Variants in FSTL5 observed in about 807,000 individuals in gnomAD.
The protein encoded by FSTL5 is follistatin-related protein 5.
In FSTL5, 62 loss-of-function variants were observed where a neutral mutation model predicts 89.1. The ratio of observed to expected loss-of-function variants is 0.70; its 90% CI spans 0.57 to 0.86. The LOEUF (loss-of-function observed/expected upper bound fraction) is 0.86, where lower values mean the gene tolerates loss of function less well. FSTL5 is among the 40% of genes least tolerant of loss of function. FSTL5 has a pLI of 0.00. For missense variants in FSTL5, 1,057 were observed against 1,001.6 expected, an observed-to-expected ratio of 1.06 and a Z score of -0.75; for synonymous variants, 383 against 346.2, an observed-to-expected ratio of 1.11 and a Z score of -1.18.
chr4:162,045,391 C>A (rs1738131411), intron 2 of FSTL5, among the ~76,000 whole-genome samples: 3 of 152,056 alleles, frequency 2.0e-5, no homozygotes, highest in Non-Finnish European at 4.4e-5. Context: ...GTTCATGGTG[C>A]TCCAAAACAG....
At chr4:161,602,236 TGAGA>T (rs1239393696) in intron 7 of FSTL5, among the ~76,000 whole-genome samples, 1 of 57,534 alleles carries the variant, frequency 1.7e-5, no homozygotes, top group Non-Finnish European at 3.5e-5. Flanking sequence ...AGTGAGAGAG[TGAGA>T]GAGAGGGAGA....
chr4:161,828,933 GT>G (rs932127247), intron 4 of FSTL5, among the ~76,000 whole-genome samples: 59 of 151,906 alleles, frequency 3.9e-4, no homozygotes, highest in African/African-American at 1.3e-3. Context: ...CACTAAAGAA[GT>G]TTTTTTCCAA....
chr4:162,155,745 C>T (rs1733443974), intron 1 of FSTL5, among the ~76,000 whole-genome samples: 1 of 152,134 alleles, frequency 6.6e-6, no homozygotes, highest in South Asian at 2.1e-4. Context: ...ACAGTCCAGA[C>T]AGGACATTGT....
In FSTL5 at chr4:161,386,209, C is replaced by T. The variant is rs35820116; in HGVS notation, c.2082G>A (p.Thr694=). ...DSVIGFNSDV[T]GTPYVSPDGH... is the part of the protein sequence containing the mutation. ...CATCTGGAGAGACATATGGAGTGCC[C>T]GTCACATCACTATTGAACCCAATGA... Residue 694 remains threonine (T), a synonymous_variant, in exon 16 of 16, where the codon ACG becomes ACA. Coordinates refer to ENST00000306100, the MANE Select transcript of FSTL5 (RefSeq NM_020116.5). 378 of 1,613,912 alleles carry T rather than the reference C, an allele frequency of 2.3e-4. 1 individual carries two copies. In the African/African-American group the frequency reaches 2.7e-3, roughly 12 times the overall value.
intron 3 of FSTL5, among the ~76,000 whole-genome samples, chr4:161,926,390 GA>G (rs1372715670): frequency 8.1e-6 from 1 of 123,474 alleles, no homozygotes; most frequent in Non-Finnish European, 1.7e-5. Context: ...TGCAACAGAA[GA>G]AGGTTTTTTT....
chr4:162,047,881 A>G (rs973320439), intron 2 of FSTL5, among the ~76,000 whole-genome samples: 17 of 152,098 alleles, frequency 1.1e-4, no homozygotes, highest in Admixed American at 3.9e-4. Flanking sequence ...AGTTCGCCAT[A>G]TAGTATGTCC....
At chr4:161,764,305 C>T (rs1740911071) in intron 5 of FSTL5, among the ~76,000 whole-genome samples, 1 of 152,184 alleles carries the variant, frequency 6.6e-6, no homozygotes, top group African/African-American at 2.4e-5. Context: ...GTTGTCCAGG[C>T]TGGAATGCAG....
chr4:162,130,519 A>C (rs940442152), intron 1 of FSTL5, among the ~76,000 whole-genome samples: 2 of 152,212 alleles, frequency 1.3e-5, no homozygotes, highest in African/African-American at 4.8e-5. Flanking sequence ...AACAACTTCA[A>C]GTACAAGTGA....
intron 1 of FSTL5, among the ~76,000 whole-genome samples, chr4:162,154,654 T>A (rs1492456): frequency 0.53 from 80,093 of 151,944 alleles, 21,290 homozygotes; most frequent in Admixed American, 0.59. Flanking sequence ...ATGACCAAAC[T>A]CTAATATCAA....
intron 6 of FSTL5, among the ~76,000 whole-genome samples, chr4:161,720,592 C>G (rs1425431594): frequency 2.0e-5 from 3 of 151,998 alleles, no homozygotes; most frequent in Non-Finnish European, 4.4e-5. Flanking sequence ...TCACTATAGC[C>G]AAGACATGGA....
chr4:162,161,534 G>A (rs1733695872), intron 1 of FSTL5, among the ~76,000 whole-genome samples: 1 of 151,922 alleles, frequency 6.6e-6, no homozygotes, highest in Non-Finnish European at 1.5e-5. Context: ...CAGTAGCATA[G>A]TTTGACTTCA....
At chr4:161,457,628 T>C (rs1244484614) in intron 14 of FSTL5, among the ~76,000 whole-genome samples, 1 of 152,004 alleles carries the variant, frequency 6.6e-6, no homozygotes, top group Non-Finnish European at 1.5e-5. Context: ...TAAAAATATA[T>C]GCAGCTTTAG....
At chr4:161,564,849 T>C (rs1242674129) in intron 8 of FSTL5, among the ~76,000 whole-genome samples, 5 of 151,812 alleles carry the variant, frequency 3.3e-5, no homozygotes, top group Non-Finnish European at 5.9e-5. Context: ...TAAAATTCAC[T>C]GGTGTTAAAT....
At chr4:161,815,720 C>T (rs995861229) in intron 4 of FSTL5, among the ~76,000 whole-genome samples, 2 of 151,998 alleles carry the variant, frequency 1.3e-5, no homozygotes, top group African/African-American at 4.8e-5. Context: ...TTACACATTA[C>T]TAAAAGGTAG....
At chr4:161,902,538 T>C (rs6826831) in intron 4 of FSTL5, among the ~76,000 whole-genome samples, 28,031 of 152,128 alleles carry the variant, frequency 0.18, 3,178 homozygotes, top group Non-Finnish European at 0.23. Flanking sequence ...GATTAAAACA[T>C]AATATTTTTC....
intron 6 of FSTL5, among the ~76,000 whole-genome samples, chr4:161,744,537 T>C (rs1198135483): frequency 6.6e-6 from 1 of 152,114 alleles, no homozygotes; most frequent in Non-Finnish European, 1.5e-5. Context: ...TAAATATTCA[T>C]ATAATACCAC....
At chr4:161,519,002 G>A (rs111813497) in intron 10 of FSTL5, among the ~76,000 whole-genome samples, 3,180 of 152,208 alleles carry the variant, frequency 0.021, 95 homozygotes, top group African/African-American at 0.072. Context: ...CTGGCCTTCT[G>A]CCCAAGGCTG....
intron 4 of FSTL5, among the ~76,000 whole-genome samples, chr4:161,886,010 A>T (rs1732795417): frequency 7.7e-6 from 1 of 130,476 alleles, no homozygotes; most frequent in South Asian, 2.7e-4. Context: ...TTTAATCAAC[A>T]AATCATCAAT....
At chr4:161,586,102 G>C (rs748232977) in intron 8 of FSTL5, among the ~76,000 whole-genome samples, 5 of 152,038 alleles carry the variant, frequency 3.3e-5, no homozygotes, top group African/African-American at 4.8e-5. Context: ...TCCAGTACAC[G>C]TACTTCTCAT....
Sources: allele counts gnomAD v4.1 joint callset (sites outside exome capture counted in the v4.1 genomes callset), GRCh38; gene constraint gnomAD v4.1.1; transcripts MANE v1.5; gene names NCBI Gene and HGNC (gene_info 2026-07-23, HGNC 2026-07-21).